The following CCDC7 variants were observed in gnomAD, a reference collection of about 807,000 sequenced individuals.
CCDC7 encodes coiled-coil domain-containing protein 7.
CCDC7 carries 183 observed loss-of-function variants against 196.9 expected under a neutral mutation model. The observed-to-expected ratio is 0.93, with a 90% CI of 0.82 to 1.05. The LOEUF is 1.05. CCDC7 is among the 50% of genes least tolerant of loss of function. The pLI is 0.00. For missense variants in CCDC7, 1,540 were observed against 1,482.2 expected (o/e 1.04, Z -0.64); for synonymous variants, 525 against 484.6 (o/e 1.08, Z -1.10).
At chr10:32,859,215 A>T (rs1462189191) in intron 41 of CCDC7, among the ~76,000 whole-genome samples, 1 of 152,108 alleles carries the variant, frequency 6.6e-6, no homozygotes, top group African/African-American at 2.4e-5. Flanking sequence ...CATAACAAAT[A>T]GTCTCTCAGA....
chr10:32,459,929 T>C (rs975371030), intron 3 of CCDC7, among the ~76,000 whole-genome samples: 1 of 152,100 alleles, frequency 6.6e-6, no homozygotes, highest in Non-Finnish European at 1.5e-5. Flanking sequence ...ATATTGACCC[T>C]TTTATATATG....
intron 28 of CCDC7, among the ~76,000 whole-genome samples, chr10:32,760,210 A>G (rs1455270367): frequency 1.6e-4 from 25 of 152,104 alleles, no homozygotes; most frequent in Admixed American, 1.6e-3. Flanking sequence ...ATCTAGAACT[A>G]GAAATACCAT....
intron 29 of CCDC7, among the ~76,000 whole-genome samples, chr10:32,787,128 A>G (rs948152910): frequency 1.3e-5 from 2 of 152,226 alleles, no homozygotes; most frequent in African/African-American, 4.8e-5. Flanking sequence ...AGAAAAGAGC[A>G]GAAGGAATTT....
chr10:32,464,280 A>C (rs2036300405), intron 5 of CCDC7, among the ~76,000 whole-genome samples: 1 of 152,166 alleles, frequency 6.6e-6, no homozygotes, highest in African/African-American at 2.4e-5. Flanking sequence ...TATTACTTTA[A>C]ATACTGCTCT....
intron 24 of CCDC7, among the ~76,000 whole-genome samples, chr10:32,707,479 G>A (rs531738068): frequency 1.6e-4 from 24 of 152,250 alleles, no homozygotes; most frequent in African/African-American, 5.3e-4. Flanking sequence ...CGGGCAATCA[G>A]GCAGGAGAAG....
At chr10:32,861,748 A>G (rs573655796) in intron 41 of CCDC7, among the ~76,000 whole-genome samples, 56 of 152,158 alleles carry the variant, frequency 3.7e-4, no homozygotes, top group African/African-American at 1.3e-3. Context: ...ATCAAAAAGT[A>G]GGCAAAGGAG....
At chr10:32,703,903 G>A (rs1261990066) in intron 24 of CCDC7, among the ~76,000 whole-genome samples, 1 of 151,976 alleles carries the variant, frequency 6.6e-6, no homozygotes, top group African/African-American at 2.4e-5. Flanking sequence ...GGTTATTCTA[G>A]TTAGACATTC....
chr10:32,722,707 C>T (rs2082583117), intron 25 of CCDC7, among the ~76,000 whole-genome samples: 1 of 151,964 alleles, frequency 6.6e-6, no homozygotes. Flanking sequence ...TGTAAAGTTC[C>T]TATTTCCAAA....
At chr10:32,825,375 A>C (rs1246050750) in intron 32 of CCDC7, among the ~76,000 whole-genome samples, 1 of 152,218 alleles carries the variant, frequency 6.6e-6, no homozygotes, top group Admixed American at 6.5e-5. Context: ...CCATCTAATC[A>C]GCTGCCAGCA....
intron 21 of CCDC7, among the ~76,000 whole-genome samples, chr10:32,680,274 A>C (rs2075668836): frequency 6.6e-6 from 1 of 152,176 alleles, no homozygotes; most frequent in Admixed American, 6.5e-5. Context: ...GCAATAAGTT[A>C]AGGAATAATA....
At chr10:32,707,910 A>G (rs1301440289) in intron 24 of CCDC7, among the ~76,000 whole-genome samples, 1 of 152,246 alleles carries the variant, frequency 6.6e-6, no homozygotes. Flanking sequence ...GGTAATTTAT[A>G]GATTCAATGC....
At chr10:32,450,802 A>G (rs1463763128), upstream of CCDC7, among the ~76,000 whole-genome samples, 1 of 152,198 alleles carries the variant, frequency 6.6e-6, no homozygotes, top group Non-Finnish European at 1.5e-5. Context: ...GGGGAAAGAT[A>G]GGAAGAAATT....
At chr10:32,758,323 C>G (rs756525428) in intron 28 of CCDC7, among the ~76,000 whole-genome samples, 16 of 152,114 alleles carry the variant, frequency 1.1e-4, no homozygotes, top group Non-Finnish European at 1.9e-4. Flanking sequence ...ACCAATATCC[C>G]TGATGAGCAT....
At chr10:32,750,197 T>G (rs1285894152) in intron 28 of CCDC7, among the ~76,000 whole-genome samples, 1 of 152,200 alleles carries the variant, frequency 6.6e-6, no homozygotes, top group East Asian at 1.9e-4. Flanking sequence ...GTAAGACATG[T>G]AACCATATTT....
intron 8 of CCDC7, among the ~76,000 whole-genome samples, chr10:32,475,744 GCCACACTTAATC>G (rs2134002573): frequency 6.6e-6 from 1 of 152,050 alleles, no homozygotes; most frequent in South Asian, 2.1e-4. Flanking sequence ...TTCTTCTCTG[GCCACACTTAATC>G]CTCTCTTCCC....
intron 13 of CCDC7, among the ~76,000 whole-genome samples, chr10:32,551,270 G>T (rs974277052): frequency 6.6e-6 from 1 of 151,988 alleles, no homozygotes; most frequent in Non-Finnish European, 1.5e-5. Flanking sequence ...TCTTAGTGAG[G>T]TTTTTTGGAT....
chr10:32,862,974 T>C (rs551061070), intron 41 of CCDC7, among the ~76,000 whole-genome samples: 17 of 152,142 alleles, frequency 1.1e-4, no homozygotes, highest in African/African-American at 4.1e-4. Flanking sequence ...CACTGACAAC[T>C]AGAAAACATT....
intron 31 of CCDC7, among the ~76,000 whole-genome samples, chr10:32,821,074 A>C (rs2090082171): frequency 6.6e-6 from 1 of 152,224 alleles, no homozygotes; most frequent in South Asian, 2.1e-4. Flanking sequence ...CCATCTGACA[A>C]AGGGCTAATA....
rs12242042 is a variant in CCDC7, at chr10:32,791,653, T to C, written c.3013+12569T>C. Among the ~76,000 whole-genome samples the C allele has an allele frequency of 3.6e-3, 551 of 151,022 alleles. 2 individuals carry two copies. Among genetic ancestry groups the C allele is most frequent in the African/African-American group, 0.012 (511 of 41,048 alleles). ...GAAAAAAAATCTGTGACCTTTCAGA[T>C]AGGTCTTTTGAAATGACTCTATCAG... is the stretch of plus-strand genomic sequence containing the variant. On this transcript the variant is annotated intron_variant, in intron 29 of 41. Transcript: ENST00000639629.
Sources: allele counts gnomAD v4.1 joint callset (sites outside exome capture counted in the v4.1 genomes callset), GRCh38; gene constraint gnomAD v4.1.1; transcripts MANE v1.5; gene names NCBI Gene and HGNC (gene_info 2026-07-23, HGNC 2026-07-21).